PTK2B: variants seen among roughly 807,000 people sequenced by gnomAD.
PTK2B encodes protein-tyrosine kinase 2-beta.
Under a neutral mutation model 142.9 loss-of-function variants are expected in PTK2B, and 71 were observed. The observed-to-expected ratio is 0.50, with a 90% CI of 0.41 to 0.61. PTK2B has a LOEUF of 0.61. Ranked by LOEUF, PTK2B falls within the 20% of genes least tolerant of loss-of-function variation. The pLI is 0.00. For missense variants in PTK2B, 1,105 were observed against 1,320.4 expected, an observed-to-expected ratio of 0.84 and a Z score of 2.53; for synonymous variants, 519 against 503.4, an observed-to-expected ratio of 1.03 and a Z score of -0.42.
rs1279590746 is a variant in PTK2B, at chr8:27,433,638, AC to A, written c.1105+87del. On this transcript the variant is annotated intron_variant, in intron 11 of 30. Transcript: ENST00000346049. ...GAGGCGGAGTGGCAGAAGCTAAGCC[AC>A]TGATGGATAAGTGAATGAGGATTCT... 5.2e-5 allele frequency: 58 copies of A among 1,120,024 alleles called. 1 individual carries two copies. The East Asian group carries it at 1.4e-3, about 27-fold the overall frequency. 69.4% of individuals were successfully genotyped at this position (1,120,024 alleles called of 1,614,324 possible).
chr8:27,336,192 G>T (rs998573361), intron 1 of PTK2B, among the ~76,000 whole-genome samples: 5 of 152,148 alleles, frequency 3.3e-5, no homozygotes, highest in Admixed American at 6.5e-5. Flanking sequence ...GAAGATATGT[G>T]TAATTCTTAC....
Sources: gnomAD v4.1 joint callset for allele counts (sites outside exome capture counted in the v4.1 genomes callset) on GRCh38, gnomAD v4.1.1 for gene constraint, MANE v1.5 for transcripts, NCBI Gene and HGNC (gene_info 2026-07-23, HGNC 2026-07-21) for gene names.